Variants in LRMDA observed in about 807,000 individuals in gnomAD.
The protein encoded by LRMDA is leucine-rich melanocyte differentiation-associated protein.
In LRMDA, 18 loss-of-function variants were observed where a neutral mutation model predicts 29.8. The observed-to-expected ratio is 0.60, with a 90% confidence interval of 0.42 to 0.90. LRMDA has a LOEUF of 0.90. Ranked by LOEUF, LRMDA falls within the 40% of genes least tolerant of loss-of-function variation. The probability of loss-of-function intolerance (pLI) is 0.00; values close to 1 mark genes in which losing one functional copy is unlikely to be tolerated. For synonymous variants in LRMDA, 125 were observed against 109.4 expected, an observed-to-expected ratio of 1.14 and a Z score of -0.89; for missense variants, 273 against 273.9, an observed-to-expected ratio of 1.00 and a Z score of 0.02.
At chr10:75,643,805 T>C (rs1841482166) in intron 2 of LRMDA, among the ~76,000 whole-genome samples, 1 of 152,218 alleles carries the variant, frequency 6.6e-6, no homozygotes, top group African/African-American at 2.4e-5. Flanking sequence ...TACTTTAGGA[T>C]ATCTTTAAAT....
intron 6 of LRMDA, among the ~76,000 whole-genome samples, chr10:76,425,584 A>T (rs1379615974): frequency 6.7e-6 from 1 of 149,236 alleles, no homozygotes; most frequent in Admixed American, 6.6e-5. Context: ...TTATTATTTT[A>T]TTTATTTATT....
At chr10:76,115,419 T>C (rs1023290494) in intron 5 of LRMDA, among the ~76,000 whole-genome samples, 5 of 152,234 alleles carry the variant, frequency 3.3e-5, no homozygotes, top group Non-Finnish European at 7.3e-5. Context: ...AGCAGAGTCG[T>C]CGTCCTCCTC....
intron 2 of LRMDA, among the ~76,000 whole-genome samples, chr10:75,664,643 T>TGGAGGAAGAGTTGGAAAAGATGGGA (rs1319775692): frequency 2.0e-5 from 3 of 152,038 alleles, no homozygotes; most frequent in African/African-American, 7.2e-5. Context: ...AGCTGGAGTT[T>TGGAGGAAGAGTTGGAAAAGATGGGA]GGAGGAAGAG....
chr10:76,366,153 A>G (rs972426810), intron 6 of LRMDA, among the ~76,000 whole-genome samples: 2 of 152,206 alleles, frequency 1.3e-5, no homozygotes, highest in South Asian at 2.1e-4. Flanking sequence ...GCCTTATACT[A>G]TAGTTTGAAA....
At chr10:76,229,172 CT>C (rs1852014132) in intron 5 of LRMDA, among the ~76,000 whole-genome samples, 1 of 152,196 alleles carries the variant, frequency 6.6e-6, no homozygotes, top group Admixed American at 6.5e-5. Context: ...GCGAGAACGT[CT>C]GTTGAGGTTT....
At chr10:76,437,569 A>G (rs1348582603) in intron 6 of LRMDA, 1 of 152,252 alleles carries the variant, frequency 6.6e-6, no homozygotes, top group East Asian at 1.9e-4. Context: ...GAAAACAGTA[A>G]ACAAGAGTAA....
chr10:75,939,358 T>C (rs1048914215), intron 2 of LRMDA, among the ~76,000 whole-genome samples: 10 of 152,102 alleles, frequency 6.6e-5, no homozygotes, highest in Non-Finnish European at 1.5e-4. Context: ...TTTGTTGTTG[T>C]TTTTGGTTGT....
chr10:75,505,541 T>G (rs1845160021), intron 2 of LRMDA, among the ~76,000 whole-genome samples: 1 of 152,192 alleles, frequency 6.6e-6, no homozygotes, highest in Admixed American at 6.5e-5. Context: ...GATGTTCATT[T>G]TGTGCTGTTT....
intron 2 of LRMDA, among the ~76,000 whole-genome samples, chr10:75,825,042 A>G (rs1386337335): frequency 6.6e-6 from 1 of 152,136 alleles, no homozygotes; most frequent in Non-Finnish European, 1.5e-5. Context: ...TTATCAGCTG[A>G]CGCCATAAGC....
intron 2 of LRMDA, chr10:75,782,909 C>T (rs768099316): frequency 2.5e-5 from 41 of 1,608,534 alleles, no homozygotes; most frequent in Admixed American, 1.3e-4. Context: ...ATGCCTCTTG[C>T]CAACAGTGGC....
intron 2 of LRMDA, among the ~76,000 whole-genome samples, chr10:75,507,801 T>C (rs1845185773): frequency 6.6e-6 from 1 of 152,218 alleles, no homozygotes; most frequent in African/African-American, 2.4e-5. Flanking sequence ...GTTTCTTTTA[T>C]ATATATTTTA....
intron 6 of LRMDA, among the ~76,000 whole-genome samples, chr10:76,404,194 C>T (rs1331578579): frequency 6.6e-6 from 1 of 152,156 alleles, no homozygotes; most frequent in Non-Finnish European, 1.5e-5. Flanking sequence ...TTTGAAATCA[C>T]AGCAGTGGCA....
chr10:75,557,897 T>A (rs943230087), intron 2 of LRMDA, among the ~76,000 whole-genome samples: 1 of 152,180 alleles, frequency 6.6e-6, no homozygotes, highest in Non-Finnish European at 1.5e-5. Flanking sequence ...TGTTTTGATG[T>A]GTCCTTTCAG....
intron 2 of LRMDA, among the ~76,000 whole-genome samples, chr10:75,658,280 G>C (rs1841704737): frequency 7.8e-6 from 1 of 128,048 alleles, no homozygotes; most frequent in Non-Finnish European, 1.6e-5. Context: ...TTGCTTACCA[G>C]AGTTCAAAGA....
At chr10:75,552,278 A>G (rs910705882) in intron 2 of LRMDA, among the ~76,000 whole-genome samples, 1 of 152,008 alleles carries the variant, frequency 6.6e-6, no homozygotes, top group African/African-American at 2.4e-5. Context: ...TTCATTTTTT[A>G]GCAGATACTT....
chr10:75,460,601 A>G (rs542730766), intron 2 of LRMDA, among the ~76,000 whole-genome samples: 1 of 152,176 alleles, frequency 6.6e-6, no homozygotes, highest in Non-Finnish European at 1.5e-5. Context: ...ATAAGATAAT[A>G]TTCCTTTTAT....
chr10:76,245,408 A>G lies in LRMDA; in HGVS notation c.517-78993A>G, dbSNP rs1048930127. Among the ~76,000 whole-genome samples, 13 of 152,244 alleles carry G rather than the reference A, an allele frequency of 8.5e-5. No homozygotes were observed. The East Asian group carries it at 2.5e-3, about 29-fold the overall frequency. ...AGGTAGTGGTGTTTGTTTTTGGGAC[A>G]TTAGCCCTCTTCCCATTGTCTGTTA... is the stretch of plus-strand genomic sequence containing the variant. On this transcript the variant is annotated intron_variant, in intron 5 of 6. Coordinates refer to ENST00000611255, the MANE Select transcript of LRMDA (RefSeq NM_001305581.2).
At chr10:75,508,284 A>G (rs1845190552) in intron 2 of LRMDA, among the ~76,000 whole-genome samples, 1 of 151,906 alleles carries the variant, frequency 6.6e-6, no homozygotes, top group Non-Finnish European at 1.5e-5. Context: ...TCTCCCTTCC[A>G]CCATTAGCAA....
chr10:76,430,063 T>C (rs1481490742), intron 6 of LRMDA, among the ~76,000 whole-genome samples: 1 of 152,240 alleles, frequency 6.6e-6, no homozygotes, highest in African/African-American at 2.4e-5. Context: ...TCTTATGATA[T>C]CATAACAGCT....
Sources: gnomAD v4.1 joint callset for allele counts (sites outside exome capture counted in the v4.1 genomes callset) on GRCh38, gnomAD v4.1.1 for gene constraint, MANE v1.5 for transcripts, NCBI Gene and HGNC (gene_info 2026-07-23, HGNC 2026-07-21) for gene names.